The following COL5A1 variants were observed in gnomAD, a reference collection of about 807,000 sequenced individuals.
The protein encoded by COL5A1 is collagen alpha-1(V) chain.
COL5A1 carries 16 observed loss-of-function variants against 263.7 expected under a neutral mutation model. That is an observed-to-expected ratio of 0.06 (90% CI 0.04 to 0.09). The LOEUF is 0.09. Among genes scored for constraint, COL5A1 ranks in the 10% least tolerant of loss-of-function variants. The probability of loss-of-function intolerance (pLI) is 1.00; values close to 1 mark genes in which losing one functional copy is unlikely to be tolerated. For synonymous variants in COL5A1, 1,012 were observed against 1,004.5 expected, an observed-to-expected ratio of 1.01 and a Z score of -0.14; for missense variants, 2,036 against 2,540.5, an observed-to-expected ratio of 0.80 and a Z score of 4.27.
At position 134,738,813 on chromosome 9, in the gene COL5A1, G is replaced by C; in HGVS notation, c.1494+5G>C. On this transcript the variant is annotated splice_donor_5th_base_variant and intron_variant, in intron 11 of 65. Transcript: ENST00000371817. ...GTCGGGGACCCTGGAGAAAGGGTAA[G>C]AGGTTGACTGTGTTTCCTGAGATCA... 6.2e-7 allele frequency: 1 copy of C among 1,612,366 alleles called. No homozygotes were observed. Among genetic ancestry groups the C allele is most frequent in the Non-Finnish European group, 8.5e-7 (1 of 1,178,524 alleles).
At chr9:134,840,502 C>T (rs1839988925) in intron 65 of COL5A1, among the ~76,000 whole-genome samples, 1 of 152,142 alleles carries the variant, frequency 6.6e-6, no homozygotes, top group South Asian at 2.1e-4. Flanking sequence ...ATCAACTAGC[C>T]CCCCAAATTT....
rs762485861 is a variant in COL5A1 at position 134,796,821 on chromosome 9, C to A, written c.2845-27C>A. The A allele has an allele frequency of 1.4e-5, 23 of 1,612,504 alleles. No individual in the cohort carries two copies. In the Admixed American group the frequency reaches 3.8e-4, roughly 27 times the overall value. ...AGCTGCTCGGGAGAGACCTCTTGTC[C>A]TCAAACTGGCCTTTCTCTGTTCCCA... On this transcript the variant is annotated intron_variant, in intron 35 of 65. Coordinates refer to ENST00000371817, the MANE Select transcript of COL5A1 (RefSeq NM_000093.5).
At chr9:134,812,769 TGTGTCTG>T in intron 48 of COL5A1, 57 bp downstream of exon 48, 1 of 883,768 alleles carries the variant, frequency 1.1e-6, no homozygotes, top group African/African-American at 2.7e-5. Flanking sequence ...AGTGTGTGTG[TGTGTCTG>T]TGTGTGTGTG....
chr9:134,732,367 A>G (rs1588482170), intron 9 of COL5A1: 1 of 615,636 alleles, frequency 1.6e-6, no homozygotes, highest in Admixed American at 2.5e-5. Context: ...TGCTGATCAA[A>G]GCCGGTCCTG....
At chr9:134,831,363 C>T (rs933452055) in intron 64 of COL5A1, among the ~76,000 whole-genome samples, 3 of 152,210 alleles carry the variant, frequency 2.0e-5, no homozygotes, top group Non-Finnish European at 4.4e-5. Context: ...GGAGGCTTCC[C>T]GTTTTGTGGT....
chr9:134,779,259 A>G (rs911670558), intron 27 of COL5A1, among the ~76,000 whole-genome samples: 2 of 152,216 alleles, frequency 1.3e-5, no homozygotes, highest in African/African-American at 4.8e-5. Context: ...GGCTGAAGTC[A>G]AAGACATTAA....
chr9:134,746,515 C>T (rs145203184), intron 11 of COL5A1, among the ~76,000 whole-genome samples: 282 of 152,348 alleles, frequency 1.9e-3, no homozygotes, highest in Middle Eastern at 3.4e-3. Flanking sequence ...TCTGCAGTGG[C>T]AGAGGGAGCC....
chr9:134,816,298 G>T (rs1425578609), intron 52 of COL5A1, among the ~76,000 whole-genome samples: 1 of 152,212 alleles, frequency 6.6e-6, no homozygotes, highest in African/African-American at 2.4e-5. Context: ...CTTACCCACA[G>T]CTCTGCCTAG....
chr9:134,727,433 A>G, intron 5 of COL5A1, 36 bp downstream of exon 5: 1 of 1,613,012 alleles, frequency 6.2e-7, no homozygotes, highest in Non-Finnish European at 8.5e-7. Flanking sequence ...GGGGAGCATG[A>G]GCAGACTACT....
In COL5A1 at chr9:134,817,075, A is replaced by G. The variant is rs201801000; in HGVS notation, c.4172A>G (p.Lys1391Arg). 2.4e-5 allele frequency: 38 copies of G among 1,613,434 alleles called. No individual in the cohort carries two copies. Among genetic ancestry groups the G allele is most frequent in the Middle Eastern group, 3.3e-4 (2 of 6,078 alleles). ...GEPGPSGPPG[K>R]RGPPGPAGPE... ...CCAGGTCCATCGGGGCCTCCAGGAA[A>G]AAGGGTAAATAATCCTGCAGGCACA... Residue 1391 changes from lysine (K) to arginine (R), a missense_variant, in exon 53 of 66, where the codon AAA becomes AGA. By Grantham distance (26) the Lys-to-Arg change is conservative. Transcript: ENST00000371817.
chr9:134,825,100 G>A (rs1168315286), intron 62 of COL5A1, among the ~76,000 whole-genome samples: 1 of 152,228 alleles, frequency 6.6e-6, no homozygotes, highest in Non-Finnish European at 1.5e-5. Context: ...TTCTCATCTG[G>A]TCTTAGGCAT....
rs200042483 is a variant in COL5A1, at chr9:134,708,423, GT to G, written c.654+7091del. 2,816 of 369,654 alleles carry G rather than the reference GT, an allele frequency of 7.6e-3. 5 individuals are homozygous for G. The highest frequency in any genetic ancestry group is 0.012 in the Admixed American group (368 of 31,750). 22.9% of individuals were successfully genotyped at this position (369,654 alleles called of 1,614,324 possible). A position where few individuals can be genotyped will look rare whatever the true frequency, so the allele number is the denominator to read the frequency against. On this transcript the variant is annotated intron_variant, in intron 4 of 65. Coordinates refer to ENST00000371817, the MANE Select transcript of COL5A1 (RefSeq NM_000093.5). ...ATTGCGGCTCAGAGCAACTCCCGGGGTGGGGGCTCTGGTGCACCTGCACTGA... is the reference window on the plus strand; with the variant it reads ...ATTGCGGCTCAGAGCAACTCCCGGGGGGGGGCTCTGGTGCACCTGCACTGA...
chr9:134,806,561 C>A (rs998405172), intron 42 of COL5A1, among the ~76,000 whole-genome samples: 16 of 152,176 alleles, frequency 1.1e-4, no homozygotes, highest in African/African-American at 3.9e-4. Flanking sequence ...TGATGTTGGG[C>A]CGGTCTCAGC....
intron 2 of COL5A1, chr9:134,691,707 G>C (rs144915339): frequency 1.3e-5 from 2 of 154,466 alleles, no homozygotes; most frequent in African/African-American, 4.8e-5. Context: ...TTATCTGGAC[G>C]TGATTAACGA....
At chr9:134,790,756 T>C (rs1023739798) in intron 32 of COL5A1, among the ~76,000 whole-genome samples, 10 of 151,430 alleles carry the variant, frequency 6.6e-5, no homozygotes, top group Non-Finnish European at 1.5e-4. Flanking sequence ...GAGTAGTGCC[T>C]TTGGGAATAC....
chr9:134,837,110 G>A (rs767898376), intron 65 of COL5A1, among the ~76,000 whole-genome samples: 3 of 152,202 alleles, frequency 2.0e-5, no homozygotes, highest in Non-Finnish European at 4.4e-5. Context: ...AGCCCTGGAT[G>A]AGCAGCCAGT....
chr9:134,828,818 C>CAGAT (rs1220122662), intron 63 of COL5A1, among the ~76,000 whole-genome samples: 1,974 of 151,064 alleles, frequency 0.013, 40 homozygotes, highest in African/African-American at 0.045. Context: ...ATACCACACA[C>CAGAT]ACACACCACA....
intron 4 of COL5A1, among the ~76,000 whole-genome samples, chr9:134,710,805 C>T (rs1195192867): frequency 5.2e-5 from 3 of 57,488 alleles, no homozygotes; most frequent in Non-Finnish European, 9.9e-5. Context: ...CTGTTGGGTG[C>T]AGTGGTGGGG....
At chr9:134,701,548 C>T (rs1028739518) in intron 4 of COL5A1, among the ~76,000 whole-genome samples, 1 of 152,272 alleles carries the variant, frequency 6.6e-6, no homozygotes, top group Non-Finnish European at 1.5e-5. Context: ...CTGTAGGCCG[C>T]GTGGGGATGG....
Sources: allele counts gnomAD v4.1 joint callset (sites outside exome capture counted in the v4.1 genomes callset), GRCh38; gene constraint gnomAD v4.1.1; transcripts MANE v1.5; gene names NCBI Gene and HGNC (gene_info 2026-07-23, HGNC 2026-07-21).